PDE8A: variants seen among roughly 807,000 people sequenced by gnomAD.
PDE8A encodes the protein phosphodiesterase 8A.
Under a neutral mutation model 105.0 loss-of-function variants are expected in PDE8A, and 59 were observed. The ratio of observed to expected loss-of-function variants is 0.56; its 90% confidence interval spans 0.46 to 0.70. PDE8A has a LOEUF of 0.70. PDE8A is among the 30% of genes least tolerant of loss of function. PDE8A has a pLI of 0.00. For synonymous variants in PDE8A, 355 were observed against 371.9 expected, an observed-to-expected ratio of 0.95 and a Z score of 0.52; for missense variants, 1,014 against 1,045.9, an observed-to-expected ratio of 0.97 and a Z score of 0.42.
intron 20 of PDE8A, among the ~76,000 whole-genome samples, chr15:85,130,862 C>T (rs1246608168): frequency 7.2e-5 from 11 of 152,264 alleles, no homozygotes; most frequent in African/African-American, 2.2e-4. Context: ...CAGGTTCAAG[C>T]AATTCTCCTG....
intron 11 of PDE8A, 195 bp downstream of exon 11, chr15:85,100,393 G>T: frequency 3.4e-6 from 2 of 590,322 alleles, no homozygotes; most frequent in Non-Finnish European, 5.9e-6. Flanking sequence ...GCATTCTGAT[G>T]GGTGCCCTGG....
At chr15:85,121,609 A>G (rs1031993884) in intron 18 of PDE8A, among the ~76,000 whole-genome samples, 1 of 151,746 alleles carries the variant, frequency 6.6e-6, no homozygotes, top group Non-Finnish European at 1.5e-5. Context: ...TGCTTGGTAC[A>G]TACTAGAGCG....
At chr15:84,999,377 CCTCCCAGTGTA>C (rs1252401058) in intron 1 of PDE8A, among the ~76,000 whole-genome samples, 2 of 152,190 alleles carry the variant, frequency 1.3e-5, no homozygotes, top group African/African-American at 2.4e-5. Flanking sequence ...CCTGCCTCGG[CCTCCCAGTGTA>C]CTGGGATTAC....
At chr15:85,082,017 C>T (rs146179995) in intron 5 of PDE8A, among the ~76,000 whole-genome samples, 20 of 152,280 alleles carry the variant, frequency 1.3e-4, no homozygotes, top group South Asian at 2.1e-4. Flanking sequence ...GGACCCCTGT[C>T]TATCTCAAGG....
intron 1 of PDE8A, among the ~76,000 whole-genome samples, chr15:85,003,476 G>C (rs193107940): frequency 1.3e-3 from 193 of 152,330 alleles, no homozygotes; most frequent in African/African-American, 4.4e-3. Context: ...GAACAGGATA[G>C]TTGCAATGAG....
At chr15:85,134,131 T>A (rs1407259155) in intron 20 of PDE8A, among the ~76,000 whole-genome samples, 1 of 152,282 alleles carries the variant, frequency 6.6e-6, no homozygotes, top group South Asian at 2.1e-4. Context: ...CTTGTCACAT[T>A]GGGCCAAAGA....
At chr15:85,095,384 C>T (rs1160304482) in intron 8 of PDE8A, among the ~76,000 whole-genome samples, 1 of 152,110 alleles carries the variant, frequency 6.6e-6, no homozygotes, top group Non-Finnish European at 1.5e-5. Flanking sequence ...CACTCTGTTG[C>T]CCAGGCTGGA....
chr15:85,025,722 C>T (rs558896334), intron 1 of PDE8A, among the ~76,000 whole-genome samples: 1 of 152,254 alleles, frequency 6.6e-6, no homozygotes, highest in African/African-American at 2.4e-5. Context: ...ACATAGGCCA[C>T]CTTTAGACCA....
chr15:85,025,837 A>G (rs146058890), intron 1 of PDE8A, among the ~76,000 whole-genome samples: 113 of 152,304 alleles, frequency 7.4e-4, no homozygotes, highest in African/African-American at 2.5e-3. Context: ...GGCCAGAACA[A>G]TGTGGCCCAC....
At position 85,137,890 on chromosome 15, in the gene PDE8A, C is replaced by T; in HGVS notation, c.2477C>T (p.Pro826Leu). ...LDEMKLRNLR[P>L]PPE ...GAAATGAAGCTGCGGAACCTCCGAC[C>T]ACCTCCTGAATAGTGGGAGACACCA... The change falls in exon 22 of 22, where the codon CCA becomes CTA. Residue 826 changes from proline to leucine, a missense_variant. By Grantham distance (98) the Pro-to-Leu change is moderately conservative. Transcript: ENST00000394553. 1 of 1,605,378 alleles carries T rather than the reference C, an allele frequency of 6.2e-7. No individual in the cohort carries two copies. Among genetic ancestry groups the T allele is most frequent in the Non-Finnish European group, 8.5e-7 (1 of 1,172,074 alleles).
intron 6 of PDE8A, among the ~76,000 whole-genome samples, chr15:85,085,305 G>C (rs763266722): frequency 6.6e-6 from 1 of 152,230 alleles, no homozygotes; most frequent in Non-Finnish European, 1.5e-5. Context: ...TGAGGCTAGA[G>C]AATTGGGAGA....
intron 1 of PDE8A, among the ~76,000 whole-genome samples, chr15:85,054,865 T>C (rs921992648): frequency 6.6e-6 from 1 of 152,234 alleles, no homozygotes; most frequent in Admixed American, 6.5e-5. Context: ...TTTGAATGTG[T>C]TTGCTCTTGC....
At chr15:85,068,712 A>G (rs1203401431) in intron 3 of PDE8A, among the ~76,000 whole-genome samples, 5 of 152,172 alleles carry the variant, frequency 3.3e-5, no homozygotes, top group Admixed American at 2.0e-4. Context: ...GAGGGAGGAC[A>G]GGGTGAGGGG....
intron 20 of PDE8A, among the ~76,000 whole-genome samples, chr15:85,128,307 C>T (rs1791589853): frequency 6.6e-6 from 1 of 152,044 alleles, no homozygotes. Context: ...GAGTTCAAGA[C>T]CAGCCTCAGC....
intron 1 of PDE8A, among the ~76,000 whole-genome samples, chr15:84,994,830 G>A (rs2079948895): frequency 6.6e-6 from 1 of 152,070 alleles, no homozygotes; most frequent in Non-Finnish European, 1.5e-5. Context: ...TGGGCATGGT[G>A]GCAGGTGCCT....
chr15:85,026,118 T>G (rs530362295), intron 1 of PDE8A, among the ~76,000 whole-genome samples: 1 of 152,298 alleles, frequency 6.6e-6, no homozygotes, highest in African/African-American at 2.4e-5. Context: ...GTTTAGCAGA[T>G]TATGCCTAGC....
At position 85,137,243 on chromosome 15, in the gene PDE8A, T is replaced by C. The variant is rs150911193; in HGVS notation, c.2384-554T>C. The stretch of plus-strand genomic sequence containing the variant: ...TCTCAAGAAGGCCGTAGAACAGGGG[T>C]AGGCGGCTGGGGAGAAGGACTGAAG... On this transcript the variant is annotated intron_variant, in intron 21 of 21. Transcript: ENST00000394553. Among the ~76,000 whole-genome samples the C allele has an allele frequency of 7.3e-4, 111 of 152,176 alleles. 2 individuals carry two copies. The highest frequency in any genetic ancestry group is 3.9e-3 in the Admixed American group (59 of 15,282).
intron 1 of PDE8A, among the ~76,000 whole-genome samples, chr15:85,055,209 G>T (rs2081041235): frequency 6.6e-6 from 1 of 152,128 alleles, no homozygotes; most frequent in African/African-American, 2.4e-5. Flanking sequence ...TTTTACATTT[G>T]CTGAGGAGTG....
chr15:85,001,150 T>G (rs971804), intron 1 of PDE8A, among the ~76,000 whole-genome samples: 11,919 of 152,156 alleles, frequency 0.078, 938 homozygotes, highest in East Asian at 0.28. Flanking sequence ...ACTGAATGCC[T>G]CGAGTACTCA....
Sources: allele counts gnomAD v4.1 joint callset (sites outside exome capture counted in the v4.1 genomes callset), GRCh38; gene constraint gnomAD v4.1.1; transcripts MANE v1.5; gene names NCBI Gene and HGNC (gene_info 2026-07-23, HGNC 2026-07-21).